The following PRKG1 variants were observed in gnomAD, a reference collection of about 807,000 sequenced individuals.
PRKG1 encodes protein kinase cGMP-dependent 1, also known as cGMP-dependent protein kinase 1.
In PRKG1, 35 loss-of-function variants were observed where a neutral mutation model predicts 88.1. The ratio of observed to expected loss-of-function variants is 0.40; its 90% CI spans 0.30 to 0.53. The LOEUF (loss-of-function observed/expected upper bound fraction) is 0.53, where lower values mean the gene tolerates loss of function less well. Among genes scored for constraint, PRKG1 ranks in the 20% least tolerant of loss-of-function variants. PRKG1 has a pLI of 0.59. For missense variants in PRKG1, 540 were observed against 839.8 expected (o/e 0.64, Z 4.41); for synonymous variants, 303 against 292.5 (o/e 1.04, Z -0.37).
chr10:52,187,242 C>T (rs1325784661), intron 9 of PRKG1, among the ~76,000 whole-genome samples: 1 of 152,064 alleles, frequency 6.6e-6, no homozygotes, highest in Non-Finnish European at 1.5e-5. Context: ...TCTCAGTTTG[C>T]TTCTACACAT....
At chr10:51,089,765 A>G (rs888327748) in intron 1 of PRKG1, among the ~76,000 whole-genome samples, 2 of 152,224 alleles carry the variant, frequency 1.3e-5, no homozygotes, top group Admixed American at 1.3e-4. Context: ...ATAATGGAGG[A>G]CAGATCATCA....
chr10:52,193,197 C>T (rs909399808), intron 9 of PRKG1, among the ~76,000 whole-genome samples: 1 of 152,070 alleles, frequency 6.6e-6, no homozygotes, highest in Non-Finnish European at 1.5e-5. Flanking sequence ...GCTTTTTTCT[C>T]TCTGAAAACC....
At chr10:51,061,060 G>GGTGTGGGTGTGTGTGTGT (rs1843686664) in intron 1 of PRKG1, among the ~76,000 whole-genome samples, 2 of 147,042 alleles carry the variant, frequency 1.4e-5, no homozygotes, top group Non-Finnish European at 3.0e-5. Flanking sequence ...TATACCTAGG[G>GGTGTGGGTGTGTGTGTGT]GTGTGTGTGT....
intron 2 of PRKG1, among the ~76,000 whole-genome samples, chr10:51,328,960 G>T (rs551570636): frequency 6.6e-6 from 1 of 152,110 alleles, no homozygotes; most frequent in South Asian, 2.1e-4. Context: ...CTATTAAATT[G>T]TCTTAGTTTC....
intron 1 of PRKG1, among the ~76,000 whole-genome samples, chr10:51,151,832 G>C (rs1846080280): frequency 6.6e-6 from 1 of 151,946 alleles, no homozygotes; most frequent in Admixed American, 6.6e-5. Context: ...AGGCTAGGCT[G>C]GTTAGACTGA....
intron 4 of PRKG1, among the ~76,000 whole-genome samples, chr10:51,871,629 A>G (rs1841161151): frequency 6.6e-6 from 1 of 152,230 alleles, no homozygotes; most frequent in Non-Finnish European, 1.5e-5. Context: ...TCATACAAAT[A>G]CATAGTCCAT....
intron 4 of PRKG1, among the ~76,000 whole-genome samples, chr10:51,891,111 CAAAT>C (rs2132906704): frequency 6.6e-6 from 1 of 151,424 alleles, no homozygotes; most frequent in East Asian, 1.9e-4. Flanking sequence ...AAAAAAATAA[CAAAT>C]AAGCCAGGTG....
chr10:51,181,328 G>C (rs964541293), intron 2 of PRKG1, among the ~76,000 whole-genome samples: 121 of 130,420 alleles, frequency 9.3e-4, no homozygotes, highest in Non-Finnish European at 1.6e-3. Context: ...TGCAAGCTCC[G>C]CTTCCCGGGT....
intron 5 of PRKG1, among the ~76,000 whole-genome samples, chr10:52,001,757 A>G (rs1171440262): frequency 6.6e-6 from 1 of 152,078 alleles, no homozygotes; most frequent in Non-Finnish European, 1.5e-5. Flanking sequence ...CAGAATTGTC[A>G]TCTCAACCAC....
chr10:51,354,123 A>T (rs1340136131), intron 2 of PRKG1, among the ~76,000 whole-genome samples: 1 of 151,986 alleles, frequency 6.6e-6, no homozygotes, highest in East Asian at 1.9e-4. Flanking sequence ...ACTCATTGAG[A>T]TAGAGAGGAG....
Position 51,943,628 on chromosome 10 carries a change from A to G in PRKG1, c.762+36058A>G, listed in dbSNP as rs574929216. 2.0e-5 allele frequency among the ~76,000 whole-genome samples: 3 copies of G among 152,188 alleles called. No individual in the cohort carries two copies. In the East Asian group the frequency reaches 5.8e-4, roughly 29 times the overall value. ...CCCTTATTATTTTGAGATATGTCCC[A>G]TCAATACCTAATTTATTGAGAGTTT... is the stretch of plus-strand genomic sequence containing the variant. On this transcript the variant is annotated intron_variant, in intron 5 of 17. Transcript: ENST00000373980.
At chr10:51,120,896 T>C (rs1242341545) in intron 1 of PRKG1, among the ~76,000 whole-genome samples, 1 of 152,138 alleles carries the variant, frequency 6.6e-6, no homozygotes, top group African/African-American at 2.4e-5. Flanking sequence ...TGTATAGTCT[T>C]GTAGGTTAGA....
intron 7 of PRKG1, among the ~76,000 whole-genome samples, chr10:52,116,466 G>C (rs1372553312): frequency 6.6e-6 from 1 of 152,026 alleles, no homozygotes; most frequent in Non-Finnish European, 1.5e-5. Context: ...TTTTCTGTAG[G>C]TTTCAGACTA....
At chr10:51,972,129 C>T (rs527784407) in intron 5 of PRKG1, among the ~76,000 whole-genome samples, 76 of 152,006 alleles carry the variant, frequency 5.0e-4, no homozygotes, top group African/African-American at 1.8e-3. Flanking sequence ...ATGTTCTTAC[C>T]CTTTTATGAT....
intron 13 of PRKG1, 31 bp from the exon 14 acceptor site, chr10:52,282,122 C>A (rs1173707748): frequency 1.9e-6 from 3 of 1,542,574 alleles, no homozygotes; most frequent in Non-Finnish European, 2.6e-6. Context: ...TCATAAGGAG[C>A]TTAAGTATCT....
chr10:52,189,802 G>T (rs1160444262), intron 9 of PRKG1, among the ~76,000 whole-genome samples: 1 of 152,196 alleles, frequency 6.6e-6, no homozygotes, highest in East Asian at 1.9e-4. Flanking sequence ...TACTGATCAG[G>T]TTGTAATATT....
At chr10:52,081,929 A>G (rs1264514108) in intron 7 of PRKG1, among the ~76,000 whole-genome samples, 1 of 152,096 alleles carries the variant, frequency 6.6e-6, no homozygotes, top group Non-Finnish European at 1.5e-5. Flanking sequence ...ACCATTTAAT[A>G]TCCGTATTAG....
intron 3 of PRKG1, among the ~76,000 whole-genome samples, chr10:51,571,820 T>C (rs1243748189): frequency 6.6e-6 from 1 of 151,860 alleles, no homozygotes; most frequent in Admixed American, 6.6e-5. Context: ...AATCAGATGA[T>C]GTAAGATAGA....
intron 9 of PRKG1, among the ~76,000 whole-genome samples, chr10:52,176,489 C>G (rs905875148): frequency 6.6e-6 from 1 of 151,950 alleles, no homozygotes; most frequent in Admixed American, 6.6e-5. Context: ...ACCAGGATTG[C>G]TTTAGCTACT....
Sources: allele counts gnomAD v4.1 joint callset (sites outside exome capture counted in the v4.1 genomes callset), GRCh38; gene constraint gnomAD v4.1.1; transcripts MANE v1.5; gene names NCBI Gene and HGNC (gene_info 2026-07-23, HGNC 2026-07-21).